TRAPPC8: variants seen among roughly 807,000 people sequenced by gnomAD.
TRAPPC8 encodes general sporulation gene 1 homolog.
In TRAPPC8, 54 loss-of-function variants were observed where a neutral mutation model predicts 174.3. That is an observed-to-expected ratio of 0.31 (90% confidence interval 0.25 to 0.39). TRAPPC8 has a LOEUF of 0.39. TRAPPC8 is among the 10% of genes least tolerant of loss of function. The pLI, the probability that TRAPPC8 is intolerant of heterozygous loss-of-function variation, is 1.00. For missense variants in TRAPPC8, 1,531 were observed against 1,699.1 expected, an observed-to-expected ratio of 0.90 and a Z score of 1.74; for synonymous variants, 630 against 579.9, an observed-to-expected ratio of 1.09 and a Z score of -1.24.
intron 5 of TRAPPC8, among the ~76,000 whole-genome samples, chr18:31,910,166 T>C (rs2036848062): frequency 6.6e-6 from 1 of 152,080 alleles, no homozygotes; most frequent in African/African-American, 2.4e-5. Context: ...AGATATGAAA[T>C]TCTTTGGGTC....
intron 2 of TRAPPC8, among the ~76,000 whole-genome samples, chr18:31,918,419 G>A (rs2037239659): frequency 1.3e-5 from 2 of 152,200 alleles, no homozygotes; most frequent in Non-Finnish European, 2.9e-5. Context: ...TTAGCATAGA[G>A]GTTCTCAACT....
rs748121335 is a variant in TRAPPC8 at position 31,853,889 on chromosome 18, G to C, written c.3393C>G (p.His1131Gln). ...GATTTACAGATTTCTGTAACTTCCA[G>C]TGTTTGCTACTACTTGATACTTGCA... The part of the protein sequence containing the change: ...HIVQVSSSSK[H>Q]WKLQKSVNLS... Residue 1131 changes from histidine (H) to glutamine (Q), a missense_variant, in exon 22 of 29, where the codon CAC (histidine) becomes CAG (glutamine). Coordinates refer to ENST00000283351, the MANE Select transcript of TRAPPC8 (RefSeq NM_014939.5). The C allele has an allele frequency of 1.2e-6, 2 of 1,611,390 alleles. No individual in the cohort carries two copies. Among genetic ancestry groups the C allele is most frequent in the Non-Finnish European group, 1.7e-6 (2 of 1,179,518 alleles).
At chr18:31,917,783 C>A in intron 2 of TRAPPC8, 116 bp from the exon 3 acceptor site, 3 of 847,230 alleles carry the variant, frequency 3.5e-6, no homozygotes, top group East Asian at 2.6e-5. Flanking sequence ...TAACAGTAAA[C>A]AAGCATTTTT....
At chr18:31,869,533 C>CA (rs749848241) in intron 16 of TRAPPC8, among the ~76,000 whole-genome samples, 5 of 151,968 alleles carry the variant, frequency 3.3e-5, no homozygotes, top group Non-Finnish European at 7.4e-5. Context: ...ATCTTCCCCA[C>CA]AAAAATAATC....
rs7238380 is a variant in TRAPPC8 at position 31,859,011 on chromosome 18, C to T, written c.2746-1029G>A. ...GGGAGGCTGCAGTGGGAGGACTGCT[C>T]GAGCCCAGGAAGCAGAGGTTGCAGT... On this transcript the variant is annotated intron_variant, in intron 19 of 28. Coordinates refer to ENST00000283351, the MANE Select transcript of TRAPPC8 (RefSeq NM_014939.5). Among the ~76,000 whole-genome samples, 1,352 of 152,040 alleles carry T rather than the reference C, an allele frequency of 8.9e-3. 20 individuals are homozygous for T. Among genetic ancestry groups the T allele is most frequent in the African/African-American group, 0.03 (1,243 of 41,482 alleles).
At chr18:31,879,478 G>A (rs2035313611) in intron 12 of TRAPPC8, among the ~76,000 whole-genome samples, 1 of 152,130 alleles carries the variant, frequency 6.6e-6, no homozygotes, top group South Asian at 2.1e-4. Flanking sequence ...AGCAAAAGCA[G>A]TGTTAAGAGG....
intron 19 of TRAPPC8, among the ~76,000 whole-genome samples, chr18:31,861,487 A>G (rs768533317): frequency 4.6e-5 from 7 of 152,236 alleles, no homozygotes; most frequent in Non-Finnish European, 1.0e-4. Flanking sequence ...TTTCACTTAG[A>G]AAATGAAGGC....
chr18:31,909,337 T>C (rs1407854750), intron 6 of TRAPPC8, among the ~76,000 whole-genome samples: 1 of 151,846 alleles, frequency 6.6e-6, no homozygotes, highest in Non-Finnish European at 1.5e-5. Context: ...CAAAAAAAAT[T>C]TGTTATCATT....
Position 31,852,724 on chromosome 18 carries a change from T to G in TRAPPC8, c.3434-61A>C, listed in dbSNP as rs764355072. On this transcript the variant is annotated intron_variant, in intron 22 of 28. Transcript: ENST00000283351. ...CAGTTCATCACATGATAAAAACCAA[T>G]TCATTATTTAGACTTCCTTGGTCAA... The G allele has an allele frequency of 3.6e-5, 48 of 1,338,936 alleles. No individual in the cohort carries two copies. In the East Asian group the frequency reaches 4.2e-4, roughly 12 times the overall value. 82.9% of individuals were successfully genotyped at this position (1,338,936 alleles called of 1,614,324 possible). A position where few individuals can be genotyped will look rare whatever the true frequency, so the allele number is the denominator to read the frequency against.
At chr18:31,892,875 G>A (rs1598687718) in intron 11 of TRAPPC8, among the ~76,000 whole-genome samples, 1 of 152,000 alleles carries the variant, frequency 6.6e-6, no homozygotes, top group Non-Finnish European at 1.5e-5. Context: ...AAATTAGCTG[G>A]GCATGATGGT....
In TRAPPC8 at chr18:31,834,592, T is replaced by C. The variant is rs568913580; in HGVS notation, c.3984-2419A>G. Among the ~76,000 whole-genome samples the C allele has an allele frequency of 2.0e-5, 3 of 152,332 alleles. No individual in the cohort carries two copies. In the East Asian group the frequency reaches 5.8e-4, roughly 29 times the overall value. Reference sequence around the variant, plus strand: ...TACCTCAGTTTTCTCAACTGTAAACTGCAAAGAATAATAATTGATTCTACC... The same window carrying C: ...TACCTCAGTTTTCTCAACTGTAAACCGCAAAGAATAATAATTGATTCTACC... On this transcript the variant is annotated intron_variant, in intron 27 of 28. Transcript: ENST00000283351.
chr18:31,866,775 C>T, intron 18 of TRAPPC8, 74 bp downstream of exon 18: 1 of 1,516,398 alleles, frequency 6.6e-7, no homozygotes, highest in Non-Finnish European at 8.9e-7. Context: ...GAAAATACAT[C>T]ATTTTTGTCC....
chr18:31,846,561 G>A (rs1325466376), intron 26 of TRAPPC8, among the ~76,000 whole-genome samples, 155 bp downstream of exon 26: 2 of 152,040 alleles, frequency 1.3e-5, no homozygotes, highest in Non-Finnish European at 2.9e-5. Flanking sequence ...GGGTGGCAGA[G>A]TGAGATCCAG....
chr18:31,894,268 AT>A (rs530716771), intron 11 of TRAPPC8, among the ~76,000 whole-genome samples: 44 of 152,324 alleles, frequency 2.9e-4, no homozygotes, highest in African/African-American at 9.9e-4. Flanking sequence ...TGGTAAAAAC[AT>A]TGTTTTGAGA....
chr18:31,905,351 C>A (rs910428677), intron 9 of TRAPPC8, among the ~76,000 whole-genome samples: 3 of 152,084 alleles, frequency 2.0e-5, no homozygotes, highest in Non-Finnish European at 4.4e-5. Context: ...CACAGAAAGG[C>A]GCTCTTTCAG....
intron 26 of TRAPPC8, among the ~76,000 whole-genome samples, chr18:31,840,101 G>A (rs533988415): frequency 5.9e-5 from 9 of 152,166 alleles, no homozygotes; most frequent in Non-Finnish European, 2.9e-5. Context: ...GCTCACGTCT[G>A]TAATCCCAGC....
At chr18:31,917,529 T>C in intron 3 of TRAPPC8, 49 bp downstream of exon 3, 1 of 1,523,242 alleles carries the variant, frequency 6.6e-7, no homozygotes, top group Non-Finnish European at 8.9e-7. Context: ...CTGAGATTAA[T>C]AACTTCCATA....
intron 2 of TRAPPC8, among the ~76,000 whole-genome samples, chr18:31,922,274 A>G (rs904386485): frequency 9.9e-5 from 15 of 152,224 alleles, no homozygotes; most frequent in Admixed American, 7.9e-4. Context: ...TTAAATTGCA[A>G]TAACTTTCTA....
chr18:31,875,874 G>A (rs2035116424), intron 12 of TRAPPC8, among the ~76,000 whole-genome samples: 1 of 152,176 alleles, frequency 6.6e-6, no homozygotes, highest in Non-Finnish European at 1.5e-5. Context: ...TGGATTTCAT[G>A]AAAATAGAGA....
Sources: allele counts gnomAD v4.1 joint callset (sites outside exome capture counted in the v4.1 genomes callset), GRCh38; gene constraint gnomAD v4.1.1; transcripts MANE v1.5; gene names NCBI Gene and HGNC (gene_info 2026-07-23, HGNC 2026-07-21).